The following CPZ variants were observed in gnomAD, a reference collection of about 807,000 sequenced individuals.
CPZ encodes VEZT/CPZ fusion.
A neutral mutation model predicts 61.8 loss-of-function variants in CPZ; 103 were observed. That is an observed-to-expected ratio of 1.67 (90% CI 1.42 to 1.96). The LOEUF (loss-of-function observed/expected upper bound fraction) is 1.96, where lower values mean the gene tolerates loss of function less well. CPZ is among the 30% of genes most tolerant of loss of function. The pLI is 0.00. For missense variants in CPZ, 1,461 were observed against 914.9 expected (o/e 1.60, Z -7.70); for synonymous variants, 551 against 373.7 (o/e 1.47, Z -5.47).
At chr4:8,605,327 C>CATCT (rs1371145838) in intron 4 of CPZ, among the ~76,000 whole-genome samples, 10 of 109,412 alleles carry the variant, frequency 9.1e-5, no homozygotes, top group African/African-American at 4.7e-4. Flanking sequence ...TTTATTCATC[C>CATCT]ATCCATCCAT....
At chr4:8,609,645 G>A (rs987972003) in intron 7 of CPZ, among the ~76,000 whole-genome samples, 7 of 152,318 alleles carry the variant, frequency 4.6e-5, no homozygotes, top group African/African-American at 1.7e-4. Flanking sequence ...AGAGCTGGCA[G>A]GGCAGGGCAG....
At chr4:8,616,746 C>T (rs1217108375) in intron 9 of CPZ, among the ~76,000 whole-genome samples, 2 of 152,180 alleles carry the variant, frequency 1.3e-5, no homozygotes, top group Non-Finnish European at 2.9e-5. Flanking sequence ...TCTTCATCAC[C>T]TCTCATGCAG....
chr4:8,608,419 G>C (rs1327651493), intron 7 of CPZ, among the ~76,000 whole-genome samples: 1 of 152,198 alleles, frequency 6.6e-6, no homozygotes, highest in Non-Finnish European at 1.5e-5. Context: ...CACATCGTTT[G>C]TTCTCCTTTC....
chr4:8,599,377 G>T, intron 1 of CPZ, 76 bp from the exon 2 acceptor site: 1 of 1,501,512 alleles, frequency 6.7e-7, no homozygotes, highest in South Asian at 1.4e-5. Flanking sequence ...CTGCACTCAG[G>T]GCCCTGGCCG....
chr4:8,610,828 GT>G (rs1190405902), intron 7 of CPZ, among the ~76,000 whole-genome samples: 1 of 152,160 alleles, frequency 6.6e-6, no homozygotes, highest in Non-Finnish European at 1.5e-5. Context: ...CTTGGTTTGT[GT>G]CTGTGGGACT....
rs6148295 is a variant in CPZ, at chr4:8,605,322, TCATC to T, written c.710-643_710-640del. Among the ~76,000 whole-genome samples, 402 of 150,092 alleles carry T rather than the reference TCATC, an allele frequency of 2.7e-3. 4 individuals carry two copies. In the East Asian group the frequency reaches 0.036, roughly 13 times the overall value. On this transcript the variant is annotated intron_variant, in intron 4 of 10. Coordinates refer to ENST00000360986, the MANE Select transcript of CPZ (RefSeq NM_001014447.3). ...TTCTTCCTATAGTCCATTCATTTAT[TCATC>T]CATCCATCCATCCATCCATCCATTT... is the stretch of plus-strand genomic sequence containing the variant.
chr4:8,601,226 C>T lies in CPZ; in HGVS notation c.225C>T (p.Ala75=), dbSNP rs1445732710. The T allele has an allele frequency of 1.9e-6, 3 of 1,613,284 alleles. No individual in the cohort carries two copies. The highest frequency in any genetic ancestry group is 2.5e-6 in the Non-Finnish European group (3 of 1,179,898). The stretch of plus-strand genomic sequence containing the variant: ...ACCGGTCGTGGGAGGTGGTGGAGGC[C>T]AGCTCCGAGTACATCCTGCTGAGCG... ...LQHRSWEVVE[A]SSEYILLSVL... is the part of the protein sequence containing the mutation. The change falls in exon 3 of 11, where the codon GCC becomes GCT. Residue 75 remains alanine, a synonymous_variant. Coordinates refer to ENST00000360986, the MANE Select transcript of CPZ (RefSeq NM_001014447.3).
chr4:8,619,324 C>A lies in CPZ; in HGVS notation c.1666C>A (p.Pro556Thr). Residue 556 changes from proline (P) to threonine (T), a missense_variant, in exon 11 of 11, where the codon CCT becomes ACT. Pro to Thr is a conservative substitution (Grantham distance 38, BLOSUM62 -1). Transcript: ENST00000360986. ...PGIHIVIAQA[P>T]GYAKVIKKVI... ...TATCCACATTGTCATTGCCCAAGCCCCTGGCTACGCCAAAGTCATCAAGAA... is the reference window on the plus strand; with the variant it reads ...TATCCACATTGTCATTGCCCAAGCCACTGGCTACGCCAAAGTCATCAAGAA... 1 of 1,614,106 alleles carries A rather than the reference C, an allele frequency of 6.2e-7. No homozygotes were observed.
rs1163466072 is a variant in CPZ at position 8,599,503 on chromosome 4, C to G, written c.121+18C>G. On this transcript the variant is annotated intron_variant, in intron 2 of 10. Coordinates refer to ENST00000360986, the MANE Select transcript of CPZ (RefSeq NM_001014447.3). ...AGACAGCGGTACAGTACCGGGACCTCCCTGGCTTCTGTTCTGTAGGAGGGC... is the reference window on the plus strand; with the variant it reads ...AGACAGCGGTACAGTACCGGGACCTGCCTGGCTTCTGTTCTGTAGGAGGGC... 3.7e-6 allele frequency: 6 copies of G among 1,613,400 alleles called. No homozygotes were observed. The highest frequency in any genetic ancestry group is 5.1e-6 in the Non-Finnish European group (6 of 1,179,746).
chr4:8,614,230 C>A, intron 8 of CPZ, 129 bp from the exon 9 acceptor site: 1 of 1,296,480 alleles, frequency 7.7e-7, no homozygotes. Flanking sequence ...GACACCCCGA[C>A]GTCCCGGCTG....
At chr4:8,612,607 T>C (rs1009845417) in intron 8 of CPZ, among the ~76,000 whole-genome samples, 24 of 152,224 alleles carry the variant, frequency 1.6e-4, no homozygotes, top group Admixed American at 1.5e-3. Flanking sequence ...ACTACAATTG[T>C]ATCTGTGGTT....
At chr4:8,609,191 C>CTTACTCAT (rs1560298119) in intron 7 of CPZ, among the ~76,000 whole-genome samples, 17 of 123,804 alleles carry the variant, frequency 1.4e-4, no homozygotes, top group South Asian at 3.0e-4. Context: ...CAGGCATTCA[C>CTTACTCAT]TCACTCCCTC....
chr4:8,611,109 C>CACTG (rs2109337100), intron 7 of CPZ: 1 of 419,228 alleles, frequency 2.4e-6, no homozygotes, highest in African/African-American at 2.0e-5. Context: ...CTCACTCACT[C>CACTG]ACTGGGCCCT....
At chr4:8,593,001 C>T in intron 1 of CPZ, 80 bp downstream of exon 1, 1 of 1,181,892 alleles carries the variant, frequency 8.5e-7, no homozygotes, top group Non-Finnish European at 1.2e-6. Context: ...TCCCAGGGGC[C>T]CGGGAGCTTT....
chr4:8,601,239 A>T lies in CPZ; in HGVS notation c.238A>T (p.Ile80Phe). The stretch of plus-strand genomic sequence containing the variant: ...GGTGGTGGAGGCCAGCTCCGAGTAC[A>T]TCCTGCTGAGCGTTCTACACCAGCT... ...WEVVEASSEY[I>F]LLSVLHQLLE... The change falls in exon 3 of 11, where the codon ATC (isoleucine) becomes TTC (phenylalanine). Residue 80 changes from isoleucine (I) to phenylalanine (F), a missense_variant. Transcript: ENST00000360986. The T allele has an allele frequency of 6.2e-7, 1 of 1,613,364 alleles. No homozygotes were observed. The highest frequency in any genetic ancestry group is 1.3e-5 in the African/African-American group (1 of 75,000).
Position 8,601,505 on chromosome 4 carries a change from A to C in CPZ, c.496+8A>C. The C allele has an allele frequency of 6.8e-7, 1 of 1,461,022 alleles. No homozygotes were observed. Among genetic ancestry groups the C allele is most frequent in the South Asian group, 1.4e-5 (1 of 70,380 alleles). 90.5% of individuals were successfully genotyped at this position (1,461,022 alleles called of 1,614,324 possible). A position where few individuals can be genotyped will look rare whatever the true frequency, so the allele number is the denominator to read the frequency against. On this transcript the variant is annotated splice_region_variant and intron_variant, in intron 3 of 10. Transcript: ENST00000360986. ...CGCTGGAGAAGCTTCGGGGTAAGGG[A>C]AAGTGGCGGGGGCCTGTGTGGTCAT...
chr4:8,614,708 G>T (rs1258063019), intron 9 of CPZ, among the ~76,000 whole-genome samples: 1 of 152,156 alleles, frequency 6.6e-6, no homozygotes, highest in Non-Finnish European at 1.5e-5. Context: ...TGCTGGGGTG[G>T]CGGTGCCATG....
rs113225514 is a variant in CPZ, at chr4:8,616,703, G to T, written c.1504-1726G>T. Among the ~76,000 whole-genome samples the T allele has an allele frequency of 6.0e-3, 908 of 152,332 alleles. 12 individuals are homozygous for T. Among genetic ancestry groups the T allele is most frequent in the African/African-American group, 0.021 (876 of 41,568 alleles). ...AGGAGCCACAGGGTGGGGTGGCTGA[G>T]GGGCATGGTGGCTTCTCGAGCTGTC... On this transcript the variant is annotated intron_variant, in intron 9 of 10. Coordinates refer to ENST00000360986, the MANE Select transcript of CPZ (RefSeq NM_001014447.3).
Position 8,610,154 on chromosome 4 carries a change from C to T in CPZ, c.1228-1873C>T, listed in dbSNP as rs538052590. Among the ~76,000 whole-genome samples, 17 of 152,326 alleles carry T rather than the reference C, an allele frequency of 1.1e-4. No individual in the cohort carries two copies. The South Asian group carries it at 2.3e-3, about 20-fold the overall frequency. ...GGAGCTGGGTGGGCTGGGTTTCCCA[C>T]GGTCCTCAGCCTGTGTTTCTGGGTC... On this transcript the variant is annotated intron_variant, in intron 7 of 10. Transcript: ENST00000360986.
Sources: allele counts gnomAD v4.1 joint callset (sites outside exome capture counted in the v4.1 genomes callset), GRCh38; gene constraint gnomAD v4.1.1; transcripts MANE v1.5; gene names NCBI Gene and HGNC (gene_info 2026-07-23, HGNC 2026-07-21).